The following RGS7 variants were observed in gnomAD, a reference collection of about 807,000 sequenced individuals.
The protein encoded by RGS7 is regulator of G-protein signaling 7.
Under a neutral mutation model 81.1 loss-of-function variants are expected in RGS7, and 27 were observed. That is an observed-to-expected ratio of 0.33 (90% CI 0.25 to 0.46). RGS7 has a LOEUF of 0.46. Ranked by LOEUF, RGS7 falls within the 20% of genes least tolerant of loss-of-function variation. The probability of loss-of-function intolerance (pLI) is 1.00; values close to 1 mark genes in which losing one functional copy is unlikely to be tolerated. For synonymous variants in RGS7, 208 were observed against 207.7 expected, an observed-to-expected ratio of 1.00 and a Z score of -0.01; for missense variants, 396 against 607.4, an observed-to-expected ratio of 0.65 and a Z score of 3.66.
chr1:241,273,614 T>A (rs2078042287), intron 2 of RGS7, among the ~76,000 whole-genome samples: 1 of 152,186 alleles, frequency 6.6e-6, no homozygotes, highest in Non-Finnish European at 1.5e-5. Context: ...CTATGGTGTG[T>A]TCTGTGAAGA....
chr1:241,208,983 G>A (rs1052851967), intron 2 of RGS7, among the ~76,000 whole-genome samples: 1 of 152,228 alleles, frequency 6.6e-6, no homozygotes, highest in African/African-American at 2.4e-5. Context: ...CTCCAGTGGA[G>A]GCAAGGACTG....
intron 3 of RGS7, among the ~76,000 whole-genome samples, chr1:241,067,843 C>A (rs1267290498): frequency 6.7e-6 from 1 of 149,878 alleles, no homozygotes; most frequent in Non-Finnish European, 1.5e-5. Flanking sequence ...AAGAATAATA[C>A]CTGCAAGTAG....
intron 6 of RGS7, among the ~76,000 whole-genome samples, chr1:240,909,998 G>A (rs1436008284): frequency 1.3e-5 from 2 of 152,044 alleles, no homozygotes; most frequent in African/African-American, 4.8e-5. Context: ...TGCAGCAGAC[G>A]TGCTCTTCTG....
chr1:240,938,578 C>T (rs199549723), intron 4 of RGS7, among the ~76,000 whole-genome samples: 3 of 152,082 alleles, frequency 2.0e-5, no homozygotes, highest in East Asian at 3.9e-4. Context: ...ACTATGATGC[C>T]CCTTGAAATT....
chr1:241,345,001 A>G (rs1353342206), intron 2 of RGS7, among the ~76,000 whole-genome samples: 3 of 152,258 alleles, frequency 2.0e-5, no homozygotes, highest in Non-Finnish European at 4.4e-5. Context: ...CATTAATAAC[A>G]GACTGGATAA....
At chr1:241,210,286 C>CT (rs2074171943) in intron 2 of RGS7, among the ~76,000 whole-genome samples, 1 of 152,066 alleles carries the variant, frequency 6.6e-6, no homozygotes, top group Admixed American at 6.6e-5. Context: ...ACTAGCTGGG[C>CT]TTACAGGCTT....
rs117303392 is a variant in RGS7, at chr1:241,306,755, A to T, written c.78+48944T>A. Among the ~76,000 whole-genome samples the T allele has an allele frequency of 9.3e-4, 142 of 152,204 alleles. 1 individual carries two copies. The East Asian group carries it at 0.026, about 28-fold the overall frequency. Reference sequence around the variant, plus strand: ...TATGCACACGTCCCCACACTCGCACACATACGCACACACCTTTACACACAC... The same window carrying T: ...TATGCACACGTCCCCACACTCGCACTCATACGCACACACCTTTACACACAC... On this transcript the variant is annotated intron_variant, in intron 2 of 18. Coordinates refer to ENST00000440928, the MANE Select transcript of RGS7 (RefSeq NM_001364886.1).
chr1:241,071,751 G>A (rs891363364), intron 3 of RGS7, among the ~76,000 whole-genome samples: 4 of 151,340 alleles, frequency 2.6e-5, no homozygotes, highest in African/African-American at 9.7e-5. Context: ...GTATGTGCCT[G>A]TAGACCCAGC....
chr1:241,032,060 TC>T (rs2060109140), intron 3 of RGS7, among the ~76,000 whole-genome samples: 1 of 152,252 alleles, frequency 6.6e-6, no homozygotes, highest in South Asian at 2.1e-4. Context: ...TACGGCAATA[TC>T]CAGAAGAGTT....
At chr1:240,947,365 T>G (rs777037957) in intron 4 of RGS7, among the ~76,000 whole-genome samples, 20 of 152,326 alleles carry the variant, frequency 1.3e-4, no homozygotes, top group Non-Finnish European at 2.6e-4. Context: ...CATCTCCACG[T>G]GAATATTGAA....
chr1:240,966,215 T>C (rs897552267), intron 4 of RGS7, among the ~76,000 whole-genome samples: 3 of 152,114 alleles, frequency 2.0e-5, no homozygotes, highest in Admixed American at 6.6e-5. Context: ...AAGTAAATGA[T>C]CCGACCTTGA....
intron 3 of RGS7, among the ~76,000 whole-genome samples, chr1:241,078,485 A>ATATGTGTGTGTGCGTGTGTGTG (rs145183501): frequency 7.0e-6 from 1 of 143,564 alleles, no homozygotes; most frequent in Non-Finnish European, 1.5e-5. Context: ...CACGTAAGTT[A>ATATGTGTGTGTGCGTGTGTGTG]TGTGTGTGTG....
intron 3 of RGS7, among the ~76,000 whole-genome samples, chr1:241,039,717 C>T (rs918435078): frequency 2.0e-5 from 3 of 152,152 alleles, no homozygotes; most frequent in African/African-American, 7.2e-5. Flanking sequence ...CCCCTGCCCA[C>T]GATTCTCCAT....
intron 2 of RGS7, among the ~76,000 whole-genome samples, chr1:241,323,875 TGTGACAAAAAGGCCTA>T (rs1304429041): frequency 6.6e-6 from 1 of 152,180 alleles, no homozygotes; most frequent in East Asian, 1.9e-4. Flanking sequence ...TGATAGGCCC[TGTGACAAAAAGGCCTA>T]GGCAAATGGT....
chr1:240,780,375 A>G (rs946433561), intron 18 of RGS7, among the ~76,000 whole-genome samples: 1 of 133,866 alleles, frequency 7.5e-6, no homozygotes, highest in African/African-American at 2.8e-5. Context: ...TGGGAGGCGG[A>G]GGTTGCAGTG....
intron 2 of RGS7, among the ~76,000 whole-genome samples, chr1:241,102,118 T>G (rs1445170746): frequency 6.6e-6 from 1 of 152,212 alleles, no homozygotes; most frequent in Non-Finnish European, 1.5e-5. Flanking sequence ...ATCATGTACA[T>G]GCATTCAGCT....
chr1:241,182,647 G>A (rs1167235553), intron 2 of RGS7, among the ~76,000 whole-genome samples: 4 of 135,144 alleles, frequency 3.0e-5, no homozygotes, highest in African/African-American at 8.0e-5. Flanking sequence ...GGCATCTCAC[G>A]CTTTTTTTTT....
chr1:241,269,426 A>C (rs1164967818), intron 2 of RGS7, among the ~76,000 whole-genome samples: 2 of 152,224 alleles, frequency 1.3e-5, no homozygotes, highest in East Asian at 3.9e-4. Context: ...GCCCTCGAGC[A>C]AGGCCTCCTG....
At chr1:240,816,253 C>T in intron 11 of RGS7, 64 bp downstream of exon 11, 3 of 1,005,358 alleles carry the variant, frequency 3.0e-6, no homozygotes, top group Middle Eastern at 2.0e-4. Flanking sequence ...TTAACATTTA[C>T]CCTCTGGTTT....
Sources: gnomAD v4.1 joint callset for allele counts (sites outside exome capture counted in the v4.1 genomes callset) on GRCh38, gnomAD v4.1.1 for gene constraint, MANE v1.5 for transcripts, NCBI Gene and HGNC (gene_info 2026-07-23, HGNC 2026-07-21) for gene names.